The following PTBP2 variants were observed in gnomAD, a reference collection of about 807,000 sequenced individuals.
PTBP2 encodes the protein polypyrimidine tract-binding protein 2.
In PTBP2, 13 loss-of-function variants were observed where a neutral mutation model predicts 61.4. That is an observed-to-expected ratio of 0.21 (90% CI 0.14 to 0.34). The LOEUF (loss-of-function observed/expected upper bound fraction) is 0.34, where lower values mean the gene tolerates loss of function less well. PTBP2 is among the 10% of genes least tolerant of loss of function. The pLI is 1.00. For missense variants in PTBP2, 405 were observed against 642.6 expected, an observed-to-expected ratio of 0.63 and a Z score of 4.00; for synonymous variants, 215 against 218.5, an observed-to-expected ratio of 0.98 and a Z score of 0.14.
At chr1:96,775,699 G>A (rs978082315) in intron 5 of PTBP2, among the ~76,000 whole-genome samples, 2 of 152,018 alleles carry the variant, frequency 1.3e-5, no homozygotes, top group African/African-American at 4.8e-5. Context: ...TTGTGTGTGT[G>A]TGTAATATTT....
chr1:96,729,625 GT>G (rs1651098059), intron 2 of PTBP2, among the ~76,000 whole-genome samples: 1 of 151,278 alleles, frequency 6.6e-6, no homozygotes, highest in Non-Finnish European at 1.5e-5. Context: ...TATTCAGTTT[GT>G]TTAGTTCTTC....
At position 96,791,835 on chromosome 1, in the gene PTBP2, T is replaced by TTTTTTTTTTGTTTTTTTTTTG. The variant is rs1557759220; in HGVS notation, c.904+6590_904+6591insGTTTTTTTTTTGTTTTTTTTT. Among the ~76,000 whole-genome samples, 95 of 30,506 alleles carry TTTTTTTTTTGTTTTTTTTTTG rather than the reference T, an allele frequency of 3.1e-3. 8 individuals carry two copies. In the Middle Eastern group the frequency reaches 0.052, roughly 17 times the overall value. The allele number at this position is 30,506 out of a possible 152,430, so 20.0% of individuals were successfully genotyped here. A position where few individuals can be genotyped will look rare whatever the true frequency, so the allele number is the denominator to read the frequency against. On this transcript the variant is annotated intron_variant, in intron 8 of 13. Coordinates refer to ENST00000674951, the MANE Select transcript of PTBP2 (RefSeq NM_021190.4). The stretch of plus-strand genomic sequence containing the variant: ...GTTGCTTGGAGTTGTGCTTTTTTTT[T>TTTTTTTTTTGTTTTTTTTTTG]TTTTTTTTTTTTTTGAGATAGAGTC...
chr1:96,736,614 A>C (rs1306513127), intron 2 of PTBP2, among the ~76,000 whole-genome samples: 1 of 152,212 alleles, frequency 6.6e-6, no homozygotes, highest in Non-Finnish European at 1.5e-5. Context: ...TATTGGTTAC[A>C]TGTACAGCGG....
intron 2 of PTBP2, among the ~76,000 whole-genome samples, chr1:96,750,580 C>CTT (rs1654415486): frequency 6.6e-6 from 1 of 151,872 alleles, no homozygotes; most frequent in African/African-American, 2.4e-5. Context: ...TTCTGAAATG[C>CTT]TTTGATAATT....
At chr1:96,750,288 C>T (rs559933767) in intron 2 of PTBP2, among the ~76,000 whole-genome samples, 81 of 152,030 alleles carry the variant, frequency 5.3e-4, no homozygotes, top group Middle Eastern at 3.4e-3. Flanking sequence ...TCTTATAAAA[C>T]TATGCCATGC....
intron 7 of PTBP2, among the ~76,000 whole-genome samples, chr1:96,782,710 A>C (rs959648020): frequency 6.6e-6 from 1 of 152,026 alleles, no homozygotes; most frequent in African/African-American, 2.4e-5. Context: ...TTGGAAGTTA[A>C]GGTTTCTCTC....
At chr1:96,822,636 A>G (rs755842581) in exon 14 of PTBP2, 36 of 152,244 alleles carry the variant, frequency 2.4e-4, no homozygotes, top group Non-Finnish European at 4.6e-4. Flanking sequence ...CATACAAATA[A>G]GTTAAACTTA....
chr1:96,790,979 A>G (rs908214577), intron 8 of PTBP2, among the ~76,000 whole-genome samples: 111 of 151,756 alleles, frequency 7.3e-4, no homozygotes, highest in Non-Finnish European at 1.3e-3. Context: ...GTAAATACCA[A>G]TAGATTATAA....
rs1245479251 is a variant in PTBP2 at position 96,813,653 on chromosome 1, TA to T, written c.*250del. The T allele has an allele frequency of 3.6e-6, 1 of 277,340 alleles. No homozygotes were observed. The highest frequency in any genetic ancestry group is 6.4e-6 in the Non-Finnish European group (1 of 155,512). The allele number at this position is 277,340 out of a possible 1,614,324, so 17.2% of individuals were successfully genotyped here. A position where few individuals can be genotyped will look rare whatever the true frequency, so the allele number is the denominator to read the frequency against. On this transcript the variant is annotated 3_prime_UTR_variant, in exon 14 of 14. Coordinates refer to ENST00000674951, the MANE Select transcript of PTBP2 (RefSeq NM_021190.4). ...ATTTTGTCTGTTTAAAATTTCAGTT[TA>T]ATTTTGCTTTTTTTTTTTTTTTTTT...
chr1:96,760,967 A>AG (rs1655773695), intron 3 of PTBP2, among the ~76,000 whole-genome samples: 1 of 152,226 alleles, frequency 6.6e-6, no homozygotes, highest in Non-Finnish European at 1.5e-5. Context: ...CTTACTAATA[A>AG]CAAAAGAATG....
At chr1:96,755,015 T>C (rs1379725422) in intron 3 of PTBP2, among the ~76,000 whole-genome samples, 1 of 152,200 alleles carries the variant, frequency 6.6e-6, no homozygotes, top group Non-Finnish European at 1.5e-5. Flanking sequence ...AATTAAAATC[T>C]TCTGCCATTC....
chr1:96,762,526 G>C (rs1225791072), intron 3 of PTBP2, among the ~76,000 whole-genome samples: 2 of 146,406 alleles, frequency 1.4e-5, no homozygotes, highest in African/African-American at 5.1e-5. Context: ...CGGACGGGGC[G>C]GCTGGCCGGG....
chr1:96,749,662 C>T (rs1654289681), intron 2 of PTBP2: 1 of 455,430 alleles, frequency 2.2e-6, no homozygotes, highest in East Asian at 7.0e-5. Context: ...GAACAAAGGC[C>T]AAAAAATATG....
chr1:96,762,964 C>G (rs1308740759), intron 3 of PTBP2, among the ~76,000 whole-genome samples: 1 of 151,190 alleles, frequency 6.6e-6, no homozygotes, highest in Non-Finnish European at 1.5e-5. Flanking sequence ...GCGGCGCTCC[C>G]CACATCTCAG....
chr1:96,804,875 T>G lies in PTBP2; in HGVS notation c.980T>G (p.Val327Gly), dbSNP rs1571015391. ...GCTGCTGCAGCTGCTGCTGGCCGAG[T>G]GGGTATGCCTGGAGTCTCAGCTGGT... Reference protein sequence around the residue: ...AAAAAAAAGRVGMPGVSAGGN... With the variant: ...AAAAAAAAGRGGMPGVSAGGN... The change falls in exon 9 of 14, where the codon GTG becomes GGG. Residue 327 changes from valine (V) to glycine (G), a missense_variant. Physicochemically the swap from Val to Gly is moderately radical, Grantham distance 109. Transcript: ENST00000674951. 1.2e-6 allele frequency: 2 copies of G among 1,612,032 alleles called. No homozygotes were observed. The highest frequency in any genetic ancestry group is 1.7e-6 in the Non-Finnish European group (2 of 1,178,920).
At chr1:96,794,879 G>A (rs144814565) in intron 8 of PTBP2, among the ~76,000 whole-genome samples, 53 of 152,212 alleles carry the variant, frequency 3.5e-4, no homozygotes, top group Non-Finnish European at 6.3e-4. Context: ...TATGTGTGAC[G>A]AATAGGATAA....
chr1:96,821,365 A>G (rs1413959955), exon 14 of PTBP2: 1 of 151,872 alleles, frequency 6.6e-6, no homozygotes, highest in Non-Finnish European at 1.5e-5. Context: ...TTTTATATCT[A>G]TTTATAAAGT....
At chr1:96,722,826 G>A (rs1649801376) in intron 1 of PTBP2, among the ~76,000 whole-genome samples, 1 of 152,140 alleles carries the variant, frequency 6.6e-6, no homozygotes, top group African/African-American at 2.4e-5. Flanking sequence ...AAATGGTAGG[G>A]ACCGATGTCT....
intron 5 of PTBP2, among the ~76,000 whole-genome samples, chr1:96,773,787 A>G (rs1421723200): frequency 6.6e-6 from 1 of 150,636 alleles, no homozygotes; most frequent in Non-Finnish European, 1.5e-5. Flanking sequence ...CCATGGTGAA[A>G]CCCCGTCTGT....
Sources: gnomAD v4.1 joint callset for allele counts (sites outside exome capture counted in the v4.1 genomes callset) on GRCh38, gnomAD v4.1.1 for gene constraint, MANE v1.5 for transcripts, NCBI Gene and HGNC (gene_info 2026-07-23, HGNC 2026-07-21) for gene names.